GSG1L: variants seen among roughly 807,000 people sequenced by gnomAD.
GSG1L encodes the protein GSG1 like.
GSG1L carries 24 observed loss-of-function variants against 42.1 expected under a neutral mutation model. The observed-to-expected ratio is 0.57, with a 90% CI of 0.41 to 0.80. The LOEUF (loss-of-function observed/expected upper bound fraction) is 0.80. GSG1L is among the 30% of genes least tolerant of loss of function. The pLI is 0.00. For missense variants in GSG1L, 445 were observed against 472.2 expected, an observed-to-expected ratio of 0.94 and a Z score of 0.53; for synonymous variants, 215 against 203.5, an observed-to-expected ratio of 1.06 and a Z score of -0.48.
intron 3 of GSG1L, among the ~76,000 whole-genome samples, chr16:27,861,541 G>A (rs2083651950): frequency 6.6e-6 from 1 of 152,082 alleles, no homozygotes; most frequent in East Asian, 1.9e-4. Context: ...TGCAAGTGTG[G>A]GCAAAATTTA....
chr16:28,015,709 C>T (rs755729082), intron 1 of GSG1L, among the ~76,000 whole-genome samples: 39 of 152,164 alleles, frequency 2.6e-4, no homozygotes, highest in Non-Finnish European at 4.4e-4. Context: ...AAGATTTTCT[C>T]CAGCACATTA....
At chr16:27,880,406 T>C (rs2083938134) in intron 3 of GSG1L, among the ~76,000 whole-genome samples, 1 of 152,204 alleles carries the variant, frequency 6.6e-6, no homozygotes, top group African/African-American at 2.4e-5. Flanking sequence ...AGACTTAAAA[T>C]CTTTGTCCTC....
chr16:27,993,771 G>A (rs986714102), intron 1 of GSG1L, among the ~76,000 whole-genome samples: 9 of 152,168 alleles, frequency 5.9e-5, no homozygotes, highest in African/African-American at 1.9e-4. Flanking sequence ...GCCCACAGCC[G>A]CACAGATAAG....
intron 3 of GSG1L, chr16:27,863,257 A>G (rs1323932411): frequency 1.3e-5 from 2 of 152,170 alleles, no homozygotes; most frequent in African/African-American, 4.8e-5. Context: ...CTCAGTGCTC[A>G]TTTCATCAGC....
chr16:28,010,624 C>T (rs113780159), intron 1 of GSG1L, among the ~76,000 whole-genome samples: 1 of 152,222 alleles, frequency 6.6e-6, no homozygotes, highest in African/African-American at 2.4e-5. Flanking sequence ...TCTTTGCTCC[C>T]CAGCTCCAGT....
intron 1 of GSG1L, among the ~76,000 whole-genome samples, chr16:27,973,765 G>A (rs1273500128): frequency 6.6e-6 from 1 of 152,130 alleles, no homozygotes; most frequent in Non-Finnish European, 1.5e-5. Flanking sequence ...ACCAACGCTG[G>A]TGTTTCTACA....
intron 3 of GSG1L, among the ~76,000 whole-genome samples, chr16:27,849,194 T>TCC (rs148854172): frequency 5.8e-4 from 26 of 45,072 alleles, no homozygotes; most frequent in African/African-American, 3.1e-3. Flanking sequence ...TGAGCCTCTA[T>TCC]CCCAAAAAGA....
In GSG1L at chr16:27,886,476, G is replaced by C. The variant is rs552895361; in HGVS notation, c.398-1838C>G. Among the ~76,000 whole-genome samples the C allele has an allele frequency of 4.7e-4, 71 of 152,338 alleles. 1 individual carries two copies. The highest frequency in any genetic ancestry group is 1.3e-3 in the African/African-American group (53 of 41,594). ...AAATAAAATGGGGGTAATAACGCCTGTCTTGCAGTGTTGTGGTGATGTGAG... is the reference window on the plus strand; with the variant it reads ...AAATAAAATGGGGGTAATAACGCCTCTCTTGCAGTGTTGTGGTGATGTGAG... On this transcript the variant is annotated intron_variant, in intron 2 of 6. Transcript: ENST00000447459.
At chr16:27,879,402 GA>G (rs1567501059) in intron 3 of GSG1L, among the ~76,000 whole-genome samples, 1 of 152,146 alleles carries the variant, frequency 6.6e-6, no homozygotes, top group African/African-American at 2.4e-5. Context: ...GACAGGTGTT[GA>G]AGGCCAGCCT....
intron 5 of GSG1L, among the ~76,000 whole-genome samples, chr16:27,826,118 G>A (rs1326279051): frequency 1.3e-5 from 2 of 152,184 alleles, no homozygotes; most frequent in African/African-American, 4.8e-5. Context: ...ATTAGGAGAG[G>A]CCTCACGGAA....
At chr16:27,943,636 G>C (rs1050443092) in intron 2 of GSG1L, among the ~76,000 whole-genome samples, 1 of 124,582 alleles carries the variant, frequency 8.0e-6, no homozygotes, top group Non-Finnish European at 1.6e-5. Context: ...GTGGAATGGT[G>C]CAATCTCGAC....
At chr16:27,943,572 T>C (rs972428173) in intron 2 of GSG1L, among the ~76,000 whole-genome samples, 7 of 125,852 alleles carry the variant, frequency 5.6e-5, no homozygotes, top group Non-Finnish European at 1.2e-4. Flanking sequence ...GTTTCTTTTT[T>C]TTTTTTTTTT....
At chr16:28,029,781 C>A (rs1020926962) in intron 1 of GSG1L, among the ~76,000 whole-genome samples, 2 of 152,198 alleles carry the variant, frequency 1.3e-5, no homozygotes. Flanking sequence ...AATCCAAATG[C>A]AGCTTAGGAT....
chr16:27,951,318 T>A (rs945718135), intron 2 of GSG1L, among the ~76,000 whole-genome samples: 1 of 152,172 alleles, frequency 6.6e-6, no homozygotes, highest in Admixed American at 6.5e-5. Flanking sequence ...CTCCATACTA[T>A]CTGGGAATGG....
chr16:27,856,443 A>G (rs1055232037), intron 3 of GSG1L, among the ~76,000 whole-genome samples: 6 of 152,102 alleles, frequency 3.9e-5, no homozygotes, highest in African/African-American at 1.4e-4. Context: ...CCTCCTGAGT[A>G]GCTGGGACCA....
chr16:27,892,759 C>T (rs1441769503), intron 2 of GSG1L, among the ~76,000 whole-genome samples: 1 of 142,802 alleles, frequency 7.0e-6, no homozygotes, highest in Non-Finnish European at 1.5e-5. Flanking sequence ...CATTGCACTC[C>T]AGCCTGAGTG....
At chr16:27,873,883 C>A (rs1447983970) in intron 3 of GSG1L, among the ~76,000 whole-genome samples, 2 of 152,164 alleles carry the variant, frequency 1.3e-5, no homozygotes, top group African/African-American at 4.8e-5. Flanking sequence ...CTAAAACACA[C>A]AGGGACTCCC....
chr16:27,968,587 C>T (rs770588708), intron 1 of GSG1L, among the ~76,000 whole-genome samples: 1 of 152,022 alleles, frequency 6.6e-6, no homozygotes, highest in Non-Finnish European at 1.5e-5. Flanking sequence ...ATTTTCATGG[C>T]CCTAAAACAT....
At position 28,004,548 on chromosome 16, in the gene GSG1L, G is replaced by A. The variant is rs193245372; in HGVS notation, c.350-41345C>T. ...CTAGGGCTTTGGGAGGCCAAGGCAG[G>A]AGGGTTGCTTGAGGTCATGAGTTTG... On this transcript the variant is annotated intron_variant, in intron 1 of 6. Transcript: ENST00000447459. Among the ~76,000 whole-genome samples, 394 of 150,844 alleles carry A rather than the reference G, an allele frequency of 2.6e-3. 2 individuals are homozygous for A. The highest frequency in any genetic ancestry group is 4.3e-3 in the Non-Finnish European group (291 of 67,808).
Sources: gnomAD v4.1 joint callset for allele counts (sites outside exome capture counted in the v4.1 genomes callset) on GRCh38, gnomAD v4.1.1 for gene constraint, MANE v1.5 for transcripts, NCBI Gene and HGNC (gene_info 2026-07-23, HGNC 2026-07-21) for gene names.